Variants in SLC10A7 observed in about 807,000 individuals in gnomAD.
SLC10A7 encodes solute carrier family 10 member 7, also known as sodium/bile acid cotransporter 7.
SLC10A7 carries 29 observed loss-of-function variants against 43.2 expected under a neutral mutation model. The ratio of observed to expected loss-of-function variants is 0.67; its 90% CI spans 0.50 to 0.92. The LOEUF is 0.92. Among genes scored for constraint, SLC10A7 ranks in the 40% least tolerant of loss-of-function variants. The pLI is 0.00. For synonymous variants in SLC10A7, 152 were observed against 144.8 expected, an observed-to-expected ratio of 1.05 and a Z score of -0.35; for missense variants, 295 against 403.2, an observed-to-expected ratio of 0.73 and a Z score of 2.30.
intron 5 of SLC10A7, chr4:146,408,525 A>G (rs1334435191): frequency 1.3e-5 from 2 of 152,300 alleles, no homozygotes; most frequent in African/African-American, 4.8e-5. Flanking sequence ...AAACAAAACA[A>G]AACAAAAAAA....
At chr4:146,270,570 C>T (rs769071561) in intron 10 of SLC10A7, among the ~76,000 whole-genome samples, 9 of 152,188 alleles carry the variant, frequency 5.9e-5, no homozygotes, top group Non-Finnish European at 1.2e-4. Context: ...ATTGAGTTAA[C>T]AGGTGTTGGG....
rs116563796 is a variant in SLC10A7, at chr4:146,315,576, A to T, written c.472-9567T>A. On this transcript the variant is annotated intron_variant, in intron 6 of 11. Transcript: ENST00000335472. ...TCTTTCAGTAGAAAATTTATTGCAAAAAATCTACTACTATTTAATGAAGTG... is the reference window on the plus strand; with the variant it reads ...TCTTTCAGTAGAAAATTTATTGCAATAAATCTACTACTATTTAATGAAGTG... Among the ~76,000 whole-genome samples the T allele has an allele frequency of 2.2e-3, 341 of 152,228 alleles. 1 individual carries two copies. The highest frequency in any genetic ancestry group is 7.9e-3 in the African/African-American group (330 of 41,562).
At chr4:146,506,806 T>C (rs903009001) in intron 3 of SLC10A7, among the ~76,000 whole-genome samples, 1 of 152,154 alleles carries the variant, frequency 6.6e-6, no homozygotes, top group African/African-American at 2.4e-5. Context: ...ATCTTTTCAA[T>C]CTTATTTTCA....
At chr4:146,375,888 C>T (rs1464626485) in intron 5 of SLC10A7, among the ~76,000 whole-genome samples, 1 of 152,148 alleles carries the variant, frequency 6.6e-6, no homozygotes, top group Non-Finnish European at 1.5e-5. Flanking sequence ...GACTGCCCCC[C>T]ACTTCACATG....
chr4:146,448,236 TA>T (rs1181503645), intron 4 of SLC10A7, among the ~76,000 whole-genome samples: 9 of 151,280 alleles, frequency 5.9e-5, no homozygotes, highest in African/African-American at 2.2e-4. Context: ...AATTAAAAAA[TA>T]AAAAAAATTT....
chr4:146,341,635 A>G (rs191961553), intron 5 of SLC10A7, among the ~76,000 whole-genome samples: 8 of 151,934 alleles, frequency 5.3e-5, no homozygotes, highest in Admixed American at 5.3e-4. Context: ...TTTACTGAGC[A>G]CTTATTATGT....
At chr4:146,329,581 T>C (rs966706549) in intron 5 of SLC10A7, among the ~76,000 whole-genome samples, 1 of 152,194 alleles carries the variant, frequency 6.6e-6, no homozygotes. Context: ...GCCTGTGCTC[T>C]TGAATGGTGT....
intron 4 of SLC10A7, among the ~76,000 whole-genome samples, chr4:146,452,715 T>G (rs1039203448): frequency 3.9e-5 from 6 of 152,014 alleles, no homozygotes; most frequent in African/African-American, 1.4e-4. Context: ...AAAGTAAACA[T>G]ATTCAGGATA....
At chr4:146,351,651 C>G (rs1735115136) in intron 5 of SLC10A7, among the ~76,000 whole-genome samples, 2 of 152,010 alleles carry the variant, frequency 1.3e-5, no homozygotes, top group African/African-American at 4.8e-5. Context: ...TCGGGTTACC[C>G]TCAAAGGGAA....
At chr4:146,478,894 CA>C (rs1290190889) in intron 4 of SLC10A7, among the ~76,000 whole-genome samples, 1 of 151,906 alleles carries the variant, frequency 6.6e-6, no homozygotes, top group Non-Finnish European at 1.5e-5. Flanking sequence ...ACAATATCAC[CA>C]ACATTTTTCC....
chr4:146,440,000 T>A (rs1279240385), intron 5 of SLC10A7, among the ~76,000 whole-genome samples: 2 of 152,234 alleles, frequency 1.3e-5, no homozygotes, highest in Non-Finnish European at 2.9e-5. Context: ...AGCCTTCTCA[T>A]GTCATTTAAC....
intron 10 of SLC10A7, among the ~76,000 whole-genome samples, chr4:146,272,475 G>A (rs941497936): frequency 1.3e-5 from 2 of 152,166 alleles, no homozygotes; most frequent in Admixed American, 6.5e-5. Context: ...GGACATACAA[G>A]GGGAAACTGT....
At chr4:146,433,257 G>A (rs1449014281) in intron 5 of SLC10A7, among the ~76,000 whole-genome samples, 2 of 149,124 alleles carry the variant, frequency 1.3e-5, no homozygotes, top group Admixed American at 6.7e-5. Context: ...TGCCTCCTGG[G>A]TTCAAGTGAT....
chr4:146,404,476 A>ATG (rs34519773), intron 5 of SLC10A7, among the ~76,000 whole-genome samples: 8,075 of 141,472 alleles, frequency 0.057, 251 homozygotes, highest in Middle Eastern at 0.085. Flanking sequence ...CTGCTCATTT[A>ATG]TGTGTGTGTG....
intron 6 of SLC10A7, among the ~76,000 whole-genome samples, chr4:146,317,402 T>C (rs1732401646): frequency 6.6e-6 from 1 of 152,122 alleles, no homozygotes; most frequent in Non-Finnish European, 1.5e-5. Context: ...GCTTACATTC[T>C]AGTTGGAGAA....
At chr4:146,351,698 C>A (rs1215149939) in intron 5 of SLC10A7, among the ~76,000 whole-genome samples, 1 of 150,586 alleles carries the variant, frequency 6.6e-6, no homozygotes, top group East Asian at 2.0e-4. Context: ...TGGCAGAAAC[C>A]CTACAAGCCA....
At chr4:146,506,217 TG>T (rs1736880209) in intron 3 of SLC10A7, among the ~76,000 whole-genome samples, 1 of 152,062 alleles carries the variant, frequency 6.6e-6, no homozygotes, top group Non-Finnish European at 1.5e-5. Flanking sequence ...GCCAAGATTG[TG>T]CCACTGCACT....
chr4:146,323,801 T>G (rs55798872), intron 6 of SLC10A7, among the ~76,000 whole-genome samples: 1 of 151,872 alleles, frequency 6.6e-6, no homozygotes, highest in Non-Finnish European at 1.5e-5. Flanking sequence ...CTATTCAACA[T>G]AGTGTTGGAA....
At chr4:146,467,725 A>C (rs1733172280) in intron 4 of SLC10A7, among the ~76,000 whole-genome samples, 1 of 151,688 alleles carries the variant, frequency 6.6e-6, no homozygotes, top group Non-Finnish European at 1.5e-5. Context: ...AACATGCCCA[A>C]CTAATTTCTG....
Sources: allele counts gnomAD v4.1 joint callset (sites outside exome capture counted in the v4.1 genomes callset), GRCh38; gene constraint gnomAD v4.1.1; transcripts MANE v1.5; gene names NCBI Gene and HGNC (gene_info 2026-07-23, HGNC 2026-07-21).